PDZRN4: variants seen among roughly 807,000 people sequenced by gnomAD.
The protein encoded by PDZRN4 is PDZ domain containing ring finger 4.
PDZRN4 carries 70 observed loss-of-function variants against 99.0 expected under a neutral mutation model. That is an observed-to-expected ratio of 0.71 (90% CI 0.58 to 0.86). The LOEUF (loss-of-function observed/expected upper bound fraction) is 0.86. Among genes scored for constraint, PDZRN4 ranks in the 40% least tolerant of loss-of-function variants. The pLI is 0.00. For missense variants in PDZRN4, 1,474 were observed against 1,331.2 expected (o/e 1.11, Z -1.67); for synonymous variants, 551 against 501.6 (o/e 1.10, Z -1.32).
intron 3 of PDZRN4, among the ~76,000 whole-genome samples, chr12:41,279,255 C>G (rs1951368664): frequency 6.6e-6 from 1 of 152,124 alleles, no homozygotes; most frequent in African/African-American, 2.4e-5. Flanking sequence ...GTATAAGATT[C>G]CCTTAAACTC....
At chr12:41,387,580 A>T (rs1952180769) in intron 3 of PDZRN4, among the ~76,000 whole-genome samples, 1 of 152,190 alleles carries the variant, frequency 6.6e-6, no homozygotes, top group African/African-American at 2.4e-5. Context: ...TGACAGAGCA[A>T]GACTCCAACA....
chr12:41,552,452 T>C (rs139875969), intron 5 of PDZRN4, among the ~76,000 whole-genome samples: 86 of 152,056 alleles, frequency 5.7e-4, no homozygotes, highest in African/African-American at 1.9e-3. Flanking sequence ...ACAACAAAAA[T>C]ATAAAACACT....
At chr12:41,499,863 A>AAT (rs1938080222) in intron 3 of PDZRN4, among the ~76,000 whole-genome samples, 1 of 152,092 alleles carries the variant, frequency 6.6e-6, no homozygotes, top group East Asian at 1.9e-4. Context: ...TAAATGTAAT[A>AAT]ATAGGCTTTT....
intron 3 of PDZRN4, among the ~76,000 whole-genome samples, chr12:41,282,397 A>G (rs995194019): frequency 1.3e-5 from 2 of 152,182 alleles, no homozygotes; most frequent in Admixed American, 1.3e-4. Flanking sequence ...CTACAAAGAG[A>G]CTTAGACTAC....
chr12:41,446,850 A>ATTT (rs36011837), intron 3 of PDZRN4, among the ~76,000 whole-genome samples: 1 of 138,998 alleles, frequency 7.2e-6, no homozygotes, highest in Non-Finnish European at 1.6e-5. Context: ...ACCAAGGGCA[A>ATTT]TTTTTTTTTT....
intron 5 of PDZRN4, among the ~76,000 whole-genome samples, chr12:41,537,065 C>T (rs1410726264): frequency 6.6e-6 from 1 of 152,178 alleles, no homozygotes; most frequent in East Asian, 1.9e-4. Context: ...GGCCCTTATA[C>T]TAGTCTTCTA....
intron 3 of PDZRN4, among the ~76,000 whole-genome samples, chr12:41,238,248 C>T (rs775226036): frequency 4.9e-4 from 74 of 152,020 alleles, no homozygotes; most frequent in Non-Finnish European, 9.6e-4. Flanking sequence ...AATGATAGTT[C>T]ATTCATGATT....
intron 3 of PDZRN4, among the ~76,000 whole-genome samples, chr12:41,297,975 C>G (rs1395585298): frequency 6.6e-6 from 1 of 152,198 alleles, no homozygotes; most frequent in East Asian, 1.9e-4. Context: ...GCTGTATTAA[C>G]ACAGTGACAG....
intron 3 of PDZRN4, among the ~76,000 whole-genome samples, chr12:41,194,623 G>A (rs991462711): frequency 2.6e-5 from 4 of 152,170 alleles, no homozygotes; most frequent in African/African-American, 9.7e-5. Flanking sequence ...CTCTAGCCTA[G>A]GCAACAGAGC....
At chr12:41,532,284 C>G (rs1314391129) in intron 5 of PDZRN4, among the ~76,000 whole-genome samples, 1 of 152,170 alleles carries the variant, frequency 6.6e-6, no homozygotes, top group Non-Finnish European at 1.5e-5. Context: ...GTCATTTTGT[C>G]AAACTCTGTG....
chr12:41,569,710 G>A (rs141526003), intron 9 of PDZRN4, among the ~76,000 whole-genome samples: 27 of 152,274 alleles, frequency 1.8e-4, no homozygotes, highest in African/African-American at 6.5e-4. Context: ...GTGTATGTGT[G>A]TGCACATGTC....
At chr12:41,521,974 A>G (rs1050099998) in intron 5 of PDZRN4, among the ~76,000 whole-genome samples, 1 of 152,090 alleles carries the variant, frequency 6.6e-6, no homozygotes, top group African/African-American at 2.4e-5. Flanking sequence ...TTCCAAGGGA[A>G]TGTTTATGAG....
intron 3 of PDZRN4, among the ~76,000 whole-genome samples, chr12:41,383,307 G>T (rs1952140146): frequency 6.6e-6 from 1 of 152,216 alleles, no homozygotes; most frequent in African/African-American, 2.4e-5. Context: ...AAGCTGTTCT[G>T]TGGAGGCACT....
intron 3 of PDZRN4, among the ~76,000 whole-genome samples, chr12:41,483,895 C>T (rs759552632): frequency 2.2e-4 from 34 of 152,208 alleles, no homozygotes; most frequent in Non-Finnish European, 3.7e-4. Context: ...GAAAAGAGCC[C>T]TCTTCATCTG....
At chr12:41,275,725 G>A (rs567137183) in intron 3 of PDZRN4, among the ~76,000 whole-genome samples, 5 of 152,204 alleles carry the variant, frequency 3.3e-5, no homozygotes, top group African/African-American at 9.6e-5. Context: ...AGTAAGTAAA[G>A]GAGATAGGAT....
chr12:41,509,784 C>A, intron 4 of PDZRN4, 27 bp from the exon 5 acceptor site: 1 of 1,042,276 alleles, frequency 9.6e-7, no homozygotes, highest in South Asian at 1.4e-5. Flanking sequence ...TTAATCTATT[C>A]CTATCATATT....
chr12:41,347,831 C>G (rs1378085632), intron 3 of PDZRN4, among the ~76,000 whole-genome samples: 1 of 152,092 alleles, frequency 6.6e-6, no homozygotes, highest in East Asian at 1.9e-4. Flanking sequence ...TATCTCATGG[C>G]ATAGACCTAA....
At chr12:41,569,782 C>T (rs1385766267) in intron 9 of PDZRN4, among the ~76,000 whole-genome samples, 1 of 152,158 alleles carries the variant, frequency 6.6e-6, no homozygotes, top group African/African-American at 2.4e-5. Context: ...ATGTGATATA[C>T]TCATGTGCTC....
intron 3 of PDZRN4, among the ~76,000 whole-genome samples, chr12:41,365,200 A>G (rs1951989987): frequency 6.6e-6 from 1 of 152,136 alleles, no homozygotes; most frequent in Non-Finnish European, 1.5e-5. Context: ...GGGATGGCTA[A>G]GAAGAGAAAA....
Sources: allele counts gnomAD v4.1 joint callset (sites outside exome capture counted in the v4.1 genomes callset), GRCh38; gene constraint gnomAD v4.1.1; transcripts MANE v1.5; gene names NCBI Gene and HGNC (gene_info 2026-07-23, HGNC 2026-07-21).